The following DPP6 variants were observed in gnomAD, a reference collection of about 807,000 sequenced individuals.
The protein encoded by DPP6 is dipeptidyl peptidase like 6, also known as A-type potassium channel modulatory protein DPP6.
A neutral mutation model predicts 122.6 loss-of-function variants in DPP6; 69 were observed. The ratio of observed to expected loss-of-function variants is 0.56; its 90% CI spans 0.46 to 0.69. DPP6 has a LOEUF of 0.69. DPP6 is among the 30% of genes least tolerant of loss of function. The pLI is 0.00. For missense variants in DPP6, 928 were observed against 1,116.9 expected (o/e 0.83, Z 2.41); for synonymous variants, 418 against 433.1 (o/e 0.97, Z 0.43).
In DPP6 at chr7:154,582,580, G is replaced by A. The variant is rs182009007; in HGVS notation, c.627+15664G>A. 6.6e-5 allele frequency among the ~76,000 whole-genome samples: 10 copies of A among 152,304 alleles called. No individual in the cohort carries two copies. In the East Asian group the frequency reaches 1.9e-3, roughly 29 times the overall value. On this transcript the variant is annotated intron_variant, in intron 5 of 25. Transcript: ENST00000377770. Reference sequence around the variant, plus strand: ...TCCTAAGCTTCTCAGCTGGGCTTCAGATGTCAAGGTTTCCTGGCTTCTGCC... The same window carrying A: ...TCCTAAGCTTCTCAGCTGGGCTTCAAATGTCAAGGTTTCCTGGCTTCTGCC...
intron 3 of DPP6, among the ~76,000 whole-genome samples, chr7:154,484,181 G>T (rs1823589914): frequency 6.6e-6 from 1 of 152,136 alleles, no homozygotes; most frequent in Non-Finnish European, 1.5e-5. Context: ...TAGGGGAAAG[G>T]TTAATTCCAG....
the DPP6 span, among the ~76,000 whole-genome samples, chr7:153,881,763 A>ATCCC: frequency 6.6e-6 from 1 of 152,126 alleles, no homozygotes; most frequent in Non-Finnish European, 1.5e-5. Context: ...TACTCAGGCC[A>ATCCC]TCCCTCTGCA....
intron 1 of DPP6, among the ~76,000 whole-genome samples, chr7:154,264,872 C>CTGATGGTGGTGT (rs1803283190): frequency 8.8e-6 from 1 of 113,212 alleles, no homozygotes. Flanking sequence ...GATGGTGATC[C>CTGATGGTGGTGT]TGATGATGGT....
intron 1 of DPP6, among the ~76,000 whole-genome samples, chr7:154,063,224 A>C (rs181915597): frequency 1.2e-5 from 1 of 83,236 alleles, no homozygotes; most frequent in South Asian, 5.2e-4. Context: ...CCCGCGAGGC[A>C]GGGACTGAGA....
chr7:153,798,049 A>G, the DPP6 span, among the ~76,000 whole-genome samples: 27 of 152,162 alleles, frequency 1.8e-4, no homozygotes, highest in South Asian at 3.5e-3. Context: ...TCACCATGTT[A>G]GCCAGGATGG....
chr7:154,169,934 G>C (rs1014829781), intron 1 of DPP6, among the ~76,000 whole-genome samples: 1 of 152,098 alleles, frequency 6.6e-6, no homozygotes, highest in South Asian at 2.1e-4. Flanking sequence ...ATGTTGGCCA[G>C]GCTGGTCTTG....
In DPP6 at chr7:154,875,556, CCTT is replaced by C. The variant is rs749746415; in HGVS notation, c.1884-346_1884-344del. Among the ~76,000 whole-genome samples the C allele has an allele frequency of 3.3e-5, 5 of 152,192 alleles. No homozygotes were observed. Among genetic ancestry groups the C allele is most frequent in the Non-Finnish European group, 5.9e-5 (4 of 68,028 alleles). On this transcript the variant is annotated intron_variant, in intron 19 of 25. Transcript: ENST00000377770. The surrounding 1 kb of genome is among the most constrained non-coding windows in gnomAD (Gnocchi z 4.5). ...ACATCTAGAACCCAGGAAAGAGAAACCTTCTTGCCGTGTAGGGAAGGTCCCCGC... is the reference window on the plus strand; with the variant it reads ...ACATCTAGAACCCAGGAAAGAGAAACCTTGCCGTGTAGGGAAGGTCCCCGC...
intron 7 of DPP6, among the ~76,000 whole-genome samples, chr7:154,724,929 T>C (rs2131356183): frequency 6.6e-6 from 1 of 152,344 alleles, no homozygotes; most frequent in East Asian, 1.9e-4. Flanking sequence ...AAATTGTATG[T>C]AATGCATATT....
the DPP6 span, among the ~76,000 whole-genome samples, chr7:153,768,267 A>AAAAGG: frequency 1.4e-5 from 2 of 143,464 alleles, no homozygotes; most frequent in South Asian, 4.8e-4. Flanking sequence ...AAAGAAAAAG[A>AAAAGG]AAAAGGTTTA....
rs376412849 is a variant in DPP6, at chr7:154,479,630, A to G, written c.457+4593A>G. Among the ~76,000 whole-genome samples the G allele has an allele frequency of 5.3e-5, 8 of 151,478 alleles. No homozygotes were observed. The East Asian group carries it at 1.6e-3, about 30-fold the overall frequency. ...TGGGCTCCCTCTCAAAGAGGTGCAC[A>G]CTCCCAGAAGTGGTCACAGCATTGC... On this transcript the variant is annotated intron_variant, in intron 3 of 25. Coordinates refer to ENST00000377770, the MANE Select transcript of DPP6 (RefSeq NM_130797.4).
intron 6 of DPP6, among the ~76,000 whole-genome samples, chr7:154,658,525 T>C (rs1300971194): frequency 6.6e-6 from 1 of 152,098 alleles, no homozygotes. Context: ...CACCAGGTAC[T>C]TCAGTGTGTC....
upstream of DPP6, among the ~76,000 whole-genome samples, chr7:153,884,759 CCT>C (rs1184395769): frequency 3.9e-5 from 6 of 151,994 alleles, no homozygotes; most frequent in African/African-American, 1.2e-4. Context: ...GTGGGCAGGT[CCT>C]CTGAGGTCAG....
chr7:154,486,173 G>A lies in DPP6; in HGVS notation c.457+11136G>A, dbSNP rs1038081795. Among the ~76,000 whole-genome samples, 12 of 149,228 alleles carry A rather than the reference G, an allele frequency of 8.0e-5. No individual in the cohort carries two copies. The highest frequency in any genetic ancestry group is 2.8e-4 in the African/African-American group (11 of 39,910). On this transcript the variant is annotated intron_variant, in intron 3 of 25. Transcript: ENST00000377770. This position sits in a 1 kb window ranked among gnomAD's most constrained non-coding sequence, Gnocchi z 4.5. Reference sequence around the variant, plus strand: ...TTTTGAGATGGAGTCTCACTCTATCGCCCAGGCTGGAGTGCAGTGGCACGA... The same window carrying A: ...TTTTGAGATGGAGTCTCACTCTATCACCCAGGCTGGAGTGCAGTGGCACGA...
At chr7:153,782,072 C>CGTGATCTCTT in the DPP6 span, among the ~76,000 whole-genome samples, 1 of 150,148 alleles carries the variant, frequency 6.7e-6, no homozygotes, top group Non-Finnish European at 1.5e-5. Context: ...GTGGTAGACA[C>CGTGATCTCTT]CATGGTTTTC....
intron 4 of DPP6, among the ~76,000 whole-genome samples, chr7:154,564,100 C>T (rs1161604522): frequency 6.6e-6 from 1 of 152,104 alleles, no homozygotes; most frequent in African/African-American, 2.4e-5. Flanking sequence ...ACAGTCAGGG[C>T]TTCGAGGAGT....
At chr7:154,887,357 A>C (rs905964363) in intron 22 of DPP6, among the ~76,000 whole-genome samples, 9 of 152,332 alleles carry the variant, frequency 5.9e-5, no homozygotes, top group East Asian at 1.9e-4. Flanking sequence ...TAAGTGTTGA[A>C]GGAGGAGGTT....
chr7:153,843,080 GCACACACACGAGTGCATACA>G, the DPP6 span, among the ~76,000 whole-genome samples: 1 of 148,720 alleles, frequency 6.7e-6, no homozygotes, highest in Non-Finnish European at 1.5e-5. Context: ...ACACACGTGC[GCACACACACGAGTGCATACA>G]CACACGAGTG....
chr7:154,330,675 CGTGTACTTCTG>C (rs1197623823), intron 1 of DPP6, among the ~76,000 whole-genome samples: 6 of 152,196 alleles, frequency 3.9e-5, no homozygotes, highest in Admixed American at 3.9e-4. Flanking sequence ...CAGAGGCAAC[CGTGTACTTCTG>C]GTGTACTTCT....
chr7:154,764,289 G>T (rs955462583), intron 8 of DPP6, among the ~76,000 whole-genome samples: 1 of 152,132 alleles, frequency 6.6e-6, no homozygotes, highest in South Asian at 2.1e-4. Flanking sequence ...AGGACCTCAA[G>T]AATTCACCTT....
Sources: gnomAD v4.1 joint callset for allele counts (sites outside exome capture counted in the v4.1 genomes callset) on GRCh38, gnomAD v4.1.1 for gene constraint, Gnocchi (gnomAD v3.1) non-coding constraint, MANE v1.5 for transcripts, NCBI Gene and HGNC (gene_info 2026-07-23, HGNC 2026-07-21) for gene names.